The following SV2B variants were observed in gnomAD, a reference collection of about 807,000 sequenced individuals.
SV2B encodes synaptic vesicle glycoprotein 2B.
SV2B carries 41 observed loss-of-function variants against 73.9 expected under a neutral mutation model. The ratio of observed to expected loss-of-function variants is 0.56; its 90% CI spans 0.43 to 0.72. SV2B has a LOEUF of 0.72. SV2B is among the 30% of genes least tolerant of loss of function. The pLI, the probability that SV2B is intolerant of heterozygous loss-of-function variation, is 0.00. For missense variants in SV2B, 764 were observed against 857.8 expected, an observed-to-expected ratio of 0.89 and a Z score of 1.37; for synonymous variants, 314 against 314.2, an observed-to-expected ratio of 1.00 and a Z score of 0.01.
chr15:91,259,109 T>TATAAATAA (rs60315590), intron 5 of SV2B, among the ~76,000 whole-genome samples: 290 of 150,704 alleles, frequency 1.9e-3, no homozygotes, highest in African/African-American at 6.6e-3. Context: ...AAAATAAAAA[T>TATAAATAA]ATAAATAAAT....
intron 1 of SV2B, among the ~76,000 whole-genome samples, chr15:91,196,290 G>A (rs1804453985): frequency 6.6e-6 from 1 of 152,126 alleles, no homozygotes; most frequent in South Asian, 2.1e-4. Context: ...AGGGCGAGAG[G>A]GGCTCATGTC....
intron 2 of SV2B, among the ~76,000 whole-genome samples, chr15:91,235,531 A>G (rs2046745582): frequency 1.3e-5 from 2 of 152,138 alleles, no homozygotes; most frequent in African/African-American, 4.8e-5. Context: ...GAGCAATTTC[A>G]CAATTAAACC....
intron 1 of SV2B, among the ~76,000 whole-genome samples, chr15:91,107,138 G>T (rs2041905356): frequency 6.6e-6 from 1 of 151,994 alleles, no homozygotes; most frequent in African/African-American, 2.4e-5. Flanking sequence ...CGGAGAAAAA[G>T]AACCAAATCC....
intron 9 of SV2B, among the ~76,000 whole-genome samples, chr15:91,279,812 C>T (rs1053786416): frequency 6.6e-6 from 1 of 152,212 alleles, no homozygotes; most frequent in African/African-American, 2.4e-5. Context: ...CTTAAGTAAA[C>T]ACGTCTAGCT....
rs979363752 is a variant in SV2B at position 91,261,422 on chromosome 15, A to G, written c.1008+1013A>G. 1.3e-5 allele frequency among the ~76,000 whole-genome samples: 2 copies of G among 152,198 alleles called. No homozygotes were observed. Among genetic ancestry groups the G allele is most frequent in the Non-Finnish European group, 2.9e-5 (2 of 68,038 alleles). ...ATTTTAATAAACAGTAATGTTACAAACATTAACATGGTTTTCCTAACATGT... is the reference window on the plus strand; with the variant it reads ...ATTTTAATAAACAGTAATGTTACAAGCATTAACATGGTTTTCCTAACATGT... On this transcript the variant is annotated intron_variant, in intron 6 of 12. Coordinates refer to ENST00000394232, the MANE Select transcript of SV2B (RefSeq NM_001323032.3). This position sits in a 1 kb window ranked among gnomAD's most constrained non-coding sequence, Gnocchi z 4.7.
Position 91,226,311 on chromosome 15 carries a change from T to C in SV2B, c.48T>C (p.Ser16=). The C allele has an allele frequency of 6.2e-7, 1 of 1,614,174 alleles. No individual in the cohort carries two copies. The highest frequency in any genetic ancestry group is 2.2e-5 in the East Asian group (1 of 44,880). ...YQDNYGGYAP[S]DGYYRGNESN... ...ACAATTATGGGGGCTATGCTCCCAG[T>C]GATGGCTATTACCGCGGCAATGAGT... Residue 16 remains serine, a synonymous_variant, in exon 2 of 13, where the codon AGT becomes AGC. Coordinates refer to ENST00000394232, the MANE Select transcript of SV2B (RefSeq NM_001323032.3).
In SV2B at chr15:91,268,260, G is replaced by A. The variant is rs570555396; in HGVS notation, c.1209-181G>A. 7.2e-5 allele frequency among the ~76,000 whole-genome samples: 11 copies of A among 152,344 alleles called. No homozygotes were observed. In the East Asian group the frequency reaches 2.1e-3, roughly 29 times the overall value. ...AAATGCCTTTTCAGCATTTATGGAG[G>A]TGGTCATAGTTTTCCCCTTGTATTT... On this transcript the variant is annotated intron_variant, in intron 8 of 12. Transcript: ENST00000394232. This position sits in a 1 kb window ranked among gnomAD's most constrained non-coding sequence, Gnocchi z 4.4.
chr15:91,186,738 T>C (rs553593726), intron 1 of SV2B, among the ~76,000 whole-genome samples: 2 of 151,972 alleles, frequency 1.3e-5, no homozygotes, highest in African/African-American at 4.8e-5. Context: ...GGTTGAGGGG[T>C]GAGAAATTAT....
At chr15:91,168,245 T>C (rs72764760) in intron 1 of SV2B, among the ~76,000 whole-genome samples, 9,880 of 151,170 alleles carry the variant, frequency 0.065, 422 homozygotes, top group Non-Finnish European at 0.089. Context: ...TTAGCCTCCC[T>C]GCACAGTTCC....
rs1308172515 is a variant in SV2B, at chr15:91,241,340, T to C, written c.452-10479T>C. On this transcript the variant is annotated intron_variant, in intron 2 of 12. Transcript: ENST00000394232. This position sits in a 1 kb window ranked among gnomAD's most constrained non-coding sequence, Gnocchi z 4.8. ...CTGGTTGCATCCGACTTTTCCTCCATCTGTCCCTAAACCCCGTTGCTGCAC... is the reference window on the plus strand; with the variant it reads ...CTGGTTGCATCCGACTTTTCCTCCACCTGTCCCTAAACCCCGTTGCTGCAC... 6.6e-6 allele frequency among the ~76,000 whole-genome samples: 1 copy of C among 152,172 alleles called. No individual in the cohort carries two copies. Among genetic ancestry groups the C allele is most frequent in the Non-Finnish European group, 1.5e-5 (1 of 68,026 alleles).
At position 91,301,103 on chromosome 15, in the gene SV2B, C is replaced by A. The variant is rs1405557506; in HGVS notation, c.*8551C>A. The A allele has an allele frequency of 6.6e-6, 1 of 152,212 alleles. No individual in the cohort carries two copies. Among genetic ancestry groups the A allele is most frequent in the East Asian group, 1.9e-4 (1 of 5,188 alleles). The allele number at this position is 152,212 out of a possible 1,614,324, so 9.4% of individuals were successfully genotyped here. ...CCTATGGCTAAGCGGAGGACACGGC[C>A]ACAAGCTGTGAGTCATGAAAAGGAG... On this transcript the variant is annotated 3_prime_UTR_variant, in exon 13 of 13. Coordinates refer to ENST00000394232, the MANE Select transcript of SV2B (RefSeq NM_001323032.3). The surrounding 1 kb of genome is among the most constrained non-coding windows in gnomAD (Gnocchi z 4.3).
chr15:91,185,344 T>A (rs2044729783), intron 1 of SV2B, among the ~76,000 whole-genome samples: 1 of 152,254 alleles, frequency 6.6e-6, no homozygotes, highest in Non-Finnish European at 1.5e-5. Flanking sequence ...TCCTTTTGTA[T>A]CTATTTGCAT....
At chr15:91,133,089 A>T (rs1019881826) in intron 1 of SV2B, among the ~76,000 whole-genome samples, 1 of 152,228 alleles carries the variant, frequency 6.6e-6, no homozygotes, top group African/African-American at 2.4e-5. Context: ...GGAGAAACTG[A>T]GGATCATAGA....
rs1202295506 is a variant in SV2B, at chr15:91,232,451, T to C, written c.451+5737T>C. On this transcript the variant is annotated intron_variant, in intron 2 of 12. Transcript: ENST00000394232. The surrounding 1 kb of genome is among the most constrained non-coding windows in gnomAD (Gnocchi z 4.7). The stretch of plus-strand genomic sequence containing the variant: ...AGTGTGGAGTTGATTCCACCGGCAA[T>C]GGAGAGCTGTTTAATGGGGAGCTAT... Among the ~76,000 whole-genome samples, 1 of 152,052 alleles carries C rather than the reference T, an allele frequency of 6.6e-6. No homozygotes were observed. The highest frequency in any genetic ancestry group is 1.5e-5 in the Non-Finnish European group (1 of 67,992).
At chr15:91,181,314 C>T (rs2044548996) in intron 1 of SV2B, among the ~76,000 whole-genome samples, 4 of 129,786 alleles carry the variant, frequency 3.1e-5, no homozygotes, top group African/African-American at 5.6e-5. Flanking sequence ...CTGGGGGGTG[C>T]CTCCCAGTTA....
chr15:91,191,732 A>T (rs1438147907), intron 1 of SV2B, among the ~76,000 whole-genome samples: 1 of 152,228 alleles, frequency 6.6e-6, no homozygotes, highest in Non-Finnish European at 1.5e-5. Flanking sequence ...TTTTGTTTTA[A>T]ATACATCTCT....
In SV2B at chr15:91,121,315, A is replaced by T. The variant is rs1315991048; in HGVS notation, c.-392+20952A>T. ...GAGAAATTTATTAATTTTCCCCCCT[A>T]ACCCTCCTGAGAATACTTAAGCCAG... is the stretch of plus-strand genomic sequence containing the variant. On this transcript the variant is annotated intron_variant, in intron 1 of 12. Coordinates refer to ENST00000394232, the MANE Select transcript of SV2B (RefSeq NM_001323032.3). This position sits in a 1 kb window ranked among gnomAD's most constrained non-coding sequence, Gnocchi z 4.4. Among the ~76,000 whole-genome samples, 1 of 152,074 alleles carries T rather than the reference A, an allele frequency of 6.6e-6. No homozygotes were observed. Among genetic ancestry groups the T allele is most frequent in the East Asian group, 1.9e-4 (1 of 5,202 alleles).
intron 6 of SV2B, among the ~76,000 whole-genome samples, chr15:91,266,163 A>G (rs1033591644): frequency 6.6e-6 from 1 of 152,120 alleles, no homozygotes; most frequent in African/African-American, 2.4e-5. Context: ...CCAAACAAAA[A>G]CAAACAAATA....
chr15:91,147,411 C>T (rs368575526), intron 1 of SV2B, among the ~76,000 whole-genome samples: 3 of 152,182 alleles, frequency 2.0e-5, no homozygotes, highest in East Asian at 1.9e-4. Context: ...CCTCTTGGGT[C>T]GTGTCATTTC....
Sources: gnomAD v4.1 joint callset for allele counts (sites outside exome capture counted in the v4.1 genomes callset) on GRCh38, gnomAD v4.1.1 for gene constraint, Gnocchi (gnomAD v3.1) non-coding constraint, MANE v1.5 for transcripts, NCBI Gene and HGNC (gene_info 2026-07-23, HGNC 2026-07-21) for gene names.